The following PARD3 variants were observed in gnomAD, a reference collection of about 807,000 sequenced individuals.
PARD3 encodes par-3 family cell polarity regulator.
Under a neutral mutation model 155.4 loss-of-function variants are expected in PARD3, and 75 were observed. The observed-to-expected ratio is 0.48, with a 90% CI of 0.40 to 0.58. The LOEUF is 0.58. Ranked by LOEUF, PARD3 falls within the 20% of genes least tolerant of loss-of-function variation. The pLI, the probability that PARD3 is intolerant of heterozygous loss-of-function variation, is 0.00. For synonymous variants in PARD3, 576 were observed against 610.5 expected, an observed-to-expected ratio of 0.94 and a Z score of 0.83; for missense variants, 1,642 against 1,721.7, an observed-to-expected ratio of 0.95 and a Z score of 0.82.
At chr10:34,792,826 C>T (rs1309380119) in intron 1 of PARD3, among the ~76,000 whole-genome samples, 3 of 152,242 alleles carry the variant, frequency 2.0e-5, no homozygotes, top group Non-Finnish European at 2.9e-5. Context: ...TCAGCTCACT[C>T]GCTCTTAAAT....
At chr10:34,425,169 C>T (rs1279140323) in intron 5 of PARD3, among the ~76,000 whole-genome samples, 5 of 151,892 alleles carry the variant, frequency 3.3e-5, no homozygotes, top group Admixed American at 3.3e-4. Flanking sequence ...TTTTGCTCAC[C>T]CTCCTAAGCG....
intron 1 of PARD3, among the ~76,000 whole-genome samples, chr10:34,771,734 G>A (rs979425411): frequency 1.3e-5 from 2 of 152,202 alleles, no homozygotes; most frequent in African/African-American, 4.8e-5. Flanking sequence ...CACATGTTCA[G>A]GCTGGTATAC....
chr10:34,414,687 T>A (rs1023401666), intron 5 of PARD3, among the ~76,000 whole-genome samples: 6 of 151,912 alleles, frequency 3.9e-5, no homozygotes, highest in Admixed American at 2.6e-4. Context: ...ATAAACAATC[T>A]ATTATATATT....
At chr10:34,342,214 G>A (rs1265176558) in intron 15 of PARD3, among the ~76,000 whole-genome samples, 1 of 152,192 alleles carries the variant, frequency 6.6e-6, no homozygotes, top group Non-Finnish European at 1.5e-5. Flanking sequence ...TTCATTCATT[G>A]AGCAACTGCT....
At chr10:34,282,985 C>G (rs978272283) in intron 21 of PARD3, among the ~76,000 whole-genome samples, 1 of 151,992 alleles carries the variant, frequency 6.6e-6, no homozygotes, top group Non-Finnish European at 1.5e-5. Context: ...AATTTAAAAT[C>G]CATATTTTTT....
intron 21 of PARD3, among the ~76,000 whole-genome samples, chr10:34,276,999 T>C (rs1419470029): frequency 1.3e-5 from 2 of 152,178 alleles, no homozygotes; most frequent in East Asian, 1.9e-4. Flanking sequence ...TATCAGATAG[T>C]TGTTGACTAT....
intron 2 of PARD3, among the ~76,000 whole-genome samples, chr10:34,555,972 C>CAG (rs924768832): frequency 1.6e-4 from 24 of 152,284 alleles, no homozygotes; most frequent in African/African-American, 5.5e-4. Flanking sequence ...GGAGGTAGGA[C>CAG]AGAGAGAGAG....
chr10:34,676,558 G>C (rs2093710907), intron 2 of PARD3, among the ~76,000 whole-genome samples: 1 of 152,116 alleles, frequency 6.6e-6, no homozygotes, highest in Non-Finnish European at 1.5e-5. Context: ...ATAATTTAAA[G>C]GCATGTTTAC....
rs1589163602 is a variant in PARD3, at chr10:34,319,727, T to C, written c.2834-2389A>G. On this transcript the variant is annotated intron_variant, in intron 19 of 24. Transcript: ENST00000374788. ...AGAGCTCCCCCAAAGAATGTAAACA[T>C]AGCTCAAGCAGGGCTGTAGTGTGTT... Among the ~76,000 whole-genome samples, 5 of 152,318 alleles carry C rather than the reference T, an allele frequency of 3.3e-5. No homozygotes were observed. In the South Asian group the frequency reaches 1.0e-3, roughly 32 times the overall value.
intron 20 of PARD3, among the ~76,000 whole-genome samples, chr10:34,292,315 T>A (rs1014435844): frequency 6.6e-6 from 1 of 152,236 alleles, no homozygotes. Context: ...ATGTCCTTCC[T>A]GTACAGGATC....
At chr10:34,438,580 G>A (rs1454607589) in intron 5 of PARD3, among the ~76,000 whole-genome samples, 1 of 152,012 alleles carries the variant, frequency 6.6e-6, no homozygotes, top group Non-Finnish European at 1.5e-5. Context: ...AGAAAAAGTA[G>A]GGACATTATG....
chr10:34,677,619 T>C (rs1022350853), intron 2 of PARD3, among the ~76,000 whole-genome samples: 6 of 152,166 alleles, frequency 3.9e-5, no homozygotes, highest in Non-Finnish European at 7.3e-5. Flanking sequence ...ACATCATTCA[T>C]AAACTGGCCA....
chr10:34,462,758 G>C (rs73261472), intron 4 of PARD3, among the ~76,000 whole-genome samples: 4 of 151,880 alleles, frequency 2.6e-5, no homozygotes, highest in African/African-American at 9.7e-5. Context: ...AGGATCACTT[G>C]AACCCATAAA....
At chr10:34,224,173 A>C (rs1952465229) in intron 22 of PARD3, among the ~76,000 whole-genome samples, 1 of 152,176 alleles carries the variant, frequency 6.6e-6, no homozygotes, top group Non-Finnish European at 1.5e-5. Context: ...AAAACAACAA[A>C]CTTTAAGAGA....
At chr10:34,436,291 T>C (rs538062613) in intron 5 of PARD3, among the ~76,000 whole-genome samples, 2 of 152,358 alleles carry the variant, frequency 1.3e-5, no homozygotes, top group East Asian at 1.9e-4. Context: ...AGGTTTTGAA[T>C]GGTCTGTGCT....
At chr10:34,575,672 G>C (rs1037655720) in intron 2 of PARD3, among the ~76,000 whole-genome samples, 4 of 152,184 alleles carry the variant, frequency 2.6e-5, no homozygotes, top group African/African-American at 9.7e-5. Flanking sequence ...AAGGTGGGCA[G>C]ATCACCTAAG....
chr10:34,462,479 G>T, intron 4 of PARD3, among the ~76,000 whole-genome samples: 1 of 151,498 alleles, frequency 6.6e-6, no homozygotes, highest in Non-Finnish European at 1.5e-5. Flanking sequence ...ATAAAATAGT[G>T]TTTTCAAATT....
intron 5 of PARD3, among the ~76,000 whole-genome samples, chr10:34,432,439 G>T (rs2075994692): frequency 6.6e-6 from 1 of 151,062 alleles, no homozygotes; most frequent in Admixed American, 6.6e-5. Context: ...TTAGAGAGAA[G>T]ATAATAAGAG....
Position 34,579,426 on chromosome 10 carries a change from G to C in PARD3, c.223-62267C>G, listed in dbSNP as rs569935146. 4.6e-5 allele frequency among the ~76,000 whole-genome samples: 7 copies of C among 152,050 alleles called. No homozygotes were observed. In the South Asian group the frequency reaches 1.5e-3, roughly 32 times the overall value. ...GTAACGCCCCCTGCCCCTCCCAGGTGCCCTAGATGAACTTAGTTTCCTCAC... is the reference window on the plus strand; with the variant it reads ...GTAACGCCCCCTGCCCCTCCCAGGTCCCCTAGATGAACTTAGTTTCCTCAC... On this transcript the variant is annotated intron_variant, in intron 2 of 24. Coordinates refer to ENST00000374788, the MANE Select transcript of PARD3 (RefSeq NM_001184785.2).
Sources: gnomAD v4.1 joint callset for allele counts (sites outside exome capture counted in the v4.1 genomes callset) on GRCh38, gnomAD v4.1.1 for gene constraint, MANE v1.5 for transcripts, NCBI Gene and HGNC (gene_info 2026-07-23, HGNC 2026-07-21) for gene names.